MAN2A2: variants seen among roughly 807,000 people sequenced by gnomAD.
MAN2A2 encodes mannosidase alpha class 2A member 2.
MAN2A2 carries 79 observed loss-of-function variants against 126.8 expected under a neutral mutation model. That is an observed-to-expected ratio of 0.62 (90% CI 0.52 to 0.75). The LOEUF (loss-of-function observed/expected upper bound fraction) is 0.75, where lower values mean the gene tolerates loss of function less well. Among genes scored for constraint, MAN2A2 ranks in the 30% least tolerant of loss-of-function variants. The pLI, the probability that MAN2A2 is intolerant of heterozygous loss-of-function variation, is 0.00. For synonymous variants in MAN2A2, 671 were observed against 618.7 expected, an observed-to-expected ratio of 1.08 and a Z score of -1.25; for missense variants, 1,392 against 1,522.4, an observed-to-expected ratio of 0.91 and a Z score of 1.43.
intron 7 of MAN2A2, 130 bp from the exon 8 acceptor site, chr15:90,907,179 C>T: frequency 1.0e-6 from 1 of 979,752 alleles, no homozygotes; most frequent in South Asian, 1.5e-5. Flanking sequence ...GGCCTACACA[C>T]TCTCTCCAGC....
In MAN2A2 at chr15:90,906,827, G is replaced by C; in HGVS notation, c.923G>C (p.Ser308Thr). ...PYLLRRANLT[S>T]MLIQRVHYAI... is the part of the protein sequence containing the mutation. ...CTGCTGCGCCGTGCCAACCTCACCAGCATGCTGATTCAGAGAGTGCACTAT... is the reference window on the plus strand; with the variant it reads ...CTGCTGCGCCGTGCCAACCTCACCACCATGCTGATTCAGAGAGTGCACTAT... Residue 308 changes from serine to threonine, a missense_variant, in exon 7 of 23, where the codon AGC (serine) becomes ACC (threonine). Ser to Thr is a moderately conservative substitution (Grantham distance 58). Coordinates refer to ENST00000559717, the MANE Select transcript of MAN2A2 (RefSeq NM_006122.4). The C allele has an allele frequency of 6.2e-7, 1 of 1,614,092 alleles. No homozygotes were observed. The highest frequency in any genetic ancestry group is 1.1e-5 in the South Asian group (1 of 91,084).
At chr15:90,911,779 G>A in intron 14 of MAN2A2, 1 of 607,280 alleles carries the variant, frequency 1.6e-6, no homozygotes, top group Admixed American at 3.0e-5. Context: ...AAAAATAGCA[G>A]TTATAATGCC....
chr15:90,919,556 A>G, intron 22 of MAN2A2, 79 bp from the exon 23 acceptor site: 1 of 1,536,044 alleles, frequency 6.5e-7, no homozygotes, highest in Non-Finnish European at 8.9e-7. Context: ...TTAAAGAGGT[A>G]CCAAATTGTA....
At chr15:90,912,404 C>A in intron 15 of MAN2A2, 125 bp downstream of exon 15, 1 of 1,565,588 alleles carries the variant, frequency 6.4e-7, no homozygotes. Flanking sequence ...TGGACCGGGG[C>A]CTGGGCCATC....
At chr15:90,913,465 G>A in intron 18 of MAN2A2, 59 bp downstream of exon 18, 3 of 1,577,612 alleles carry the variant, frequency 1.9e-6, no homozygotes, top group Non-Finnish European at 1.7e-6. Flanking sequence ...CTCTGCTTTT[G>A]CCCCTGTCAC....
chr15:90,910,166 C>T lies in MAN2A2; in HGVS notation c.1451C>T (p.Pro484Leu), dbSNP rs2034610494. The T allele has an allele frequency of 1.9e-6, 3 of 1,614,140 alleles. No individual in the cohort carries two copies. The South Asian group carries it at 3.3e-5, about 18-fold the overall frequency. ...GGGGTGGAGCCAGGGGCCCGGCCTC[C>T]AGGGTTTCCTGTGCTGAGCGGGGAT... is the stretch of plus-strand genomic sequence containing the variant. ...RTGVEPGARP[P>L]GFPVLSGDFF... The change falls in exon 10 of 23, where the codon CCA becomes CTA. Residue 484 changes from proline (P) to leucine (L), a missense_variant. Physicochemically the swap from Pro to Leu is moderately conservative, Grantham distance 98. Coordinates refer to ENST00000559717, the MANE Select transcript of MAN2A2 (RefSeq NM_006122.4).
rs1194790091 is a variant in MAN2A2, at chr15:90,918,310, T to G, written c.3111T>G (p.Gly1037=). The G allele has an allele frequency of 6.2e-7, 1 of 1,614,058 alleles. No individual in the cohort carries two copies. Among genetic ancestry groups the G allele is most frequent in the East Asian group, 2.2e-5 (1 of 44,880 alleles). ...PVARMQLPGP[G]LRSFHPLASS... is the part of the protein sequence containing the mutation. ...CCAGGATGCAGCTCCCAGGCCCTGG[T>G]CTGCGCTCATTTCATCCTCTGGCTT... Residue 1037 remains glycine, a synonymous_variant, in exon 21 of 23, where the codon GGT becomes GGG. Transcript: ENST00000559717.
At chr15:90,902,706 G>A (rs2033932791), upstream of MAN2A2, 1 of 149,372 alleles carries the variant, frequency 6.7e-6, no homozygotes, top group Non-Finnish European at 1.5e-5. Context: ...AGGCCGGGGC[G>A]GGCGGCGCGG....
intron 4 of MAN2A2, 43 bp downstream of exon 4, chr15:90,905,766 G>A (rs754462357): frequency 6.2e-7 from 1 of 1,609,228 alleles, no homozygotes; most frequent in Non-Finnish European, 8.5e-7. Context: ...TGTGGAGTGG[G>A]ATTTCTGATG....
At chr15:90,913,496 C>T (rs1015296859) in intron 18 of MAN2A2, 90 bp downstream of exon 18, 5 of 1,570,910 alleles carry the variant, frequency 3.2e-6, no homozygotes, top group African/African-American at 2.7e-5. Context: ...GGATGATCTG[C>T]CCTGATGGAG....
At chr15:90,908,584 A>ATT (rs10532338) in intron 8 of MAN2A2, among the ~76,000 whole-genome samples, 7 of 144,700 alleles carry the variant, frequency 4.8e-5, no homozygotes, top group Non-Finnish European at 7.6e-5. Flanking sequence ...ATTTAATTTA[A>ATT]TTTTTTTTTT....
rs987225260 is a variant in MAN2A2 at position 90,904,315 on chromosome 15, C to G, written c.108C>G (p.His36Gln). ...LDRVQHDPTR[H>Q]QNGGNFPRSQ... is the part of the protein sequence containing the mutation. ...GAGTGCAACACGATCCCACCCGACACCAGAATGGTGGGAACTTCCCCCGGG... is the reference window on the plus strand; with the variant it reads ...GAGTGCAACACGATCCCACCCGACAGCAGAATGGTGGGAACTTCCCCCGGG... The change falls in exon 2 of 23, where the codon CAC becomes CAG. Residue 36 changes from histidine to glutamine, a missense_variant. Transcript: ENST00000559717. The G allele has an allele frequency of 3.7e-6, 6 of 1,613,926 alleles. No individual in the cohort carries two copies. The highest frequency in any genetic ancestry group is 5.1e-6 in the Non-Finnish European group (6 of 1,179,970).
chr15:90,915,124 C>G (rs1477474981), intron 19 of MAN2A2, among the ~76,000 whole-genome samples: 1 of 152,234 alleles, frequency 6.6e-6, no homozygotes, highest in Non-Finnish European at 1.5e-5. Flanking sequence ...CCATCTGTGT[C>G]ATGACTCCTA....
rs188356991 is a variant in MAN2A2, at chr15:90,912,026, C to G, written c.2110-17C>G. 2.5e-5 allele frequency: 40 copies of G among 1,601,326 alleles called. No homozygotes were observed. Among genetic ancestry groups the G allele is most frequent in the Non-Finnish European group, 8.5e-6 (10 of 1,171,756 alleles). On this transcript the variant is annotated splice_polypyrimidine_tract_variant and intron_variant, in intron 14 of 22. Coordinates refer to ENST00000559717, the MANE Select transcript of MAN2A2 (RefSeq NM_006122.4). ...GAAAGCCGTGCCCCCACTTCCTCAC[C>G]CCTCCTGTGCCCACAGGTGTCTGTG...
At position 90,912,141 on chromosome 15, in the gene MAN2A2, C is replaced by G; in HGVS notation, c.2208C>G (p.Ile736Met). The G allele has an allele frequency of 6.2e-7, 1 of 1,613,910 alleles. No individual in the cohort carries two copies. Among genetic ancestry groups the G allele is most frequent in the Non-Finnish European group, 8.5e-7 (1 of 1,179,950 alleles). The part of the protein sequence containing the change: ...GHRTLPSSVR[I>M]YLHGRQLSVS... The stretch of plus-strand genomic sequence containing the variant: ...GCACGCTGCCCTCCTCTGTGCGCAT[C>G]TACCTGCACGGCCGGCAGCTGTCCG... The change falls in exon 15 of 23, where the codon ATC (isoleucine) becomes ATG (methionine). Residue 736 changes from isoleucine to methionine, a missense_variant. By Grantham distance (10) the Ile-to-Met change is conservative. Transcript: ENST00000559717.
intron 1 of MAN2A2, chr15:90,903,791 T>TG (rs771961552): frequency 1.3e-5 from 4 of 312,862 alleles, no homozygotes; most frequent in Non-Finnish European, 1.9e-5. Flanking sequence ...TCAGTCTCTT[T>TG]GGGTTCTGGC....
At chr15:90,902,655 C>T (rs1210247472), upstream of MAN2A2, 3 of 151,526 alleles carry the variant, frequency 2.0e-5, no homozygotes, top group African/African-American at 4.8e-5. Context: ...GGGCGGGGAC[C>T]GCGGCGGCCA....
chr15:90,909,220 T>G, intron 8 of MAN2A2, 107 bp from the exon 9 acceptor site: 1 of 1,131,614 alleles, frequency 8.8e-7, no homozygotes, highest in Non-Finnish European at 1.3e-6. Context: ...GAACCACTCC[T>G]TGGTGGATGG....
chr15:90,917,444 G>A (rs1056721401), intron 20 of MAN2A2, among the ~76,000 whole-genome samples: 3 of 152,206 alleles, frequency 2.0e-5, no homozygotes, highest in Non-Finnish European at 4.4e-5. Context: ...TACGGAGCAG[G>A]TTGGATCTGT....
Sources: gnomAD v4.1 joint callset for allele counts (sites outside exome capture counted in the v4.1 genomes callset) on GRCh38, gnomAD v4.1.1 for gene constraint, MANE v1.5 for transcripts, NCBI Gene and HGNC (gene_info 2026-07-23, HGNC 2026-07-21) for gene names.